Variants in NELL1 observed in about 807,000 individuals in gnomAD.
NELL1 encodes neural EGFL like 1.
In NELL1, 76 loss-of-function variants were observed where a neutral mutation model predicts 107.4. The ratio of observed to expected loss-of-function variants is 0.71; its 90% confidence interval spans 0.59 to 0.86. NELL1 has a LOEUF of 0.86. Ranked by LOEUF, NELL1 falls within the 40% of genes least tolerant of loss-of-function variation. The pLI, the probability that NELL1 is intolerant of heterozygous loss-of-function variation, is 0.00. For missense variants in NELL1, 1,024 were observed against 1,005.5 expected (o/e 1.02, Z -0.25); for synonymous variants, 353 against 341.2 (o/e 1.03, Z -0.38).
At chr11:20,854,455 C>T (rs1335543724) in intron 4 of NELL1, among the ~76,000 whole-genome samples, 3 of 152,136 alleles carry the variant, frequency 2.0e-5, no homozygotes, top group African/African-American at 7.2e-5. Flanking sequence ...TTCAAAGTGC[C>T]ACTTCTGTAG....
chr11:21,495,396 A>T (rs74649824), intron 15 of NELL1, among the ~76,000 whole-genome samples: 2,312 of 152,204 alleles, frequency 0.015, 58 homozygotes, highest in African/African-American at 0.052. Flanking sequence ...ATTTGTTTAA[A>T]CAGTCATCAG....
At chr11:21,369,061 A>G (rs1346392284) in intron 14 of NELL1, among the ~76,000 whole-genome samples, 2 of 152,080 alleles carry the variant, frequency 1.3e-5, no homozygotes, top group African/African-American at 2.4e-5. Context: ...ATGAAACAGC[A>G]TCAAGTCTCC....
chr11:21,575,254 G>A lies in NELL1; in HGVS notation c.*232G>A. On this transcript the variant is annotated 3_prime_UTR_variant, in exon 20 of 20. Coordinates refer to ENST00000357134, the MANE Select transcript of NELL1 (RefSeq NM_006157.5). ...TACAGTGCCGTGCATTTAAGTCAAT[G>A]GTTGTTAAAAGAAGTTTCCCGTGTT... 1 of 470,010 alleles carries A rather than the reference G, an allele frequency of 2.1e-6. No individual in the cohort carries two copies. The highest frequency in any genetic ancestry group is 3.5e-5 in the South Asian group (1 of 28,756). The allele number at this position is 470,010 out of a possible 1,614,324, so 29.1% of individuals were successfully genotyped here.
At chr11:21,570,639 T>A in intron 17 of NELL1, 125 bp from the exon 18 acceptor site, 1 of 727,414 alleles carries the variant, frequency 1.4e-6, no homozygotes, top group Non-Finnish European at 2.2e-6. Flanking sequence ...ACATGTGTGC[T>A]TCAGTTTTGA....
intron 2 of NELL1, among the ~76,000 whole-genome samples, chr11:20,769,769 C>A (rs918329525): frequency 6.6e-6 from 1 of 152,078 alleles, no homozygotes; most frequent in Non-Finnish European, 1.5e-5. Context: ...ACGGAGCCCC[C>A]CACTTGTGCC....
At chr11:21,117,719 C>G (rs1181451460) in intron 13 of NELL1, among the ~76,000 whole-genome samples, 1 of 151,858 alleles carries the variant, frequency 6.6e-6, no homozygotes, top group Admixed American at 6.6e-5. Flanking sequence ...TTCTGCATAC[C>G]ATATTCACTT....
At chr11:20,865,158 A>G (rs1052938454) in intron 4 of NELL1, among the ~76,000 whole-genome samples, 1 of 152,208 alleles carries the variant, frequency 6.6e-6, no homozygotes, top group Non-Finnish European at 1.5e-5. Context: ...CTTCACTTGT[A>G]GGAGCTCTGA....
intron 14 of NELL1, among the ~76,000 whole-genome samples, chr11:21,312,688 A>G (rs1849775308): frequency 6.6e-6 from 1 of 152,148 alleles, no homozygotes; most frequent in Non-Finnish European, 1.5e-5. Context: ...GCACAAGTAC[A>G]TGTTCTTGCC....
At chr11:21,097,124 T>A (rs542467844) in intron 12 of NELL1, among the ~76,000 whole-genome samples, 1 of 150,932 alleles carries the variant, frequency 6.6e-6, no homozygotes, top group African/African-American at 2.4e-5. Flanking sequence ...TTGCACACTC[T>A]CACTCCACTC....
intron 2 of NELL1, among the ~76,000 whole-genome samples, chr11:20,695,482 T>C (rs999114158): frequency 6.6e-6 from 1 of 152,170 alleles, no homozygotes; most frequent in Non-Finnish European, 1.5e-5. Flanking sequence ...GTTTAGTTTC[T>C]TGAGGGTTTT....
Position 20,969,302 on chromosome 11 carries a change from T to A in NELL1, c.1300+8742T>A, listed in dbSNP as rs1003174394. On this transcript the variant is annotated intron_variant, in intron 12 of 19. Transcript: ENST00000357134. ...CTTTCTCTCCAAGCAAAATTCACAG[T>A]TTCCCCTGTGCTGCAGTTCTGAGTT... 6.2e-4 allele frequency among the ~76,000 whole-genome samples: 95 copies of A among 152,150 alleles called. 3 individuals carry two copies. The highest frequency in any genetic ancestry group is 1.2e-4 in the Non-Finnish European group (8 of 68,026).
At chr11:21,373,557 T>C (rs1851402714) in intron 15 of NELL1, among the ~76,000 whole-genome samples, 1 of 152,128 alleles carries the variant, frequency 6.6e-6, no homozygotes, top group Admixed American at 6.6e-5. Context: ...GTTTTATTCA[T>C]TGCTTGCAAT....
At chr11:21,217,505 C>T (rs1372746116) in intron 13 of NELL1, among the ~76,000 whole-genome samples, 1 of 151,796 alleles carries the variant, frequency 6.6e-6, no homozygotes, top group Non-Finnish European at 1.5e-5. Flanking sequence ...AACATTGTAG[C>T]AATTCTTTTG....
chr11:21,279,426 A>G (rs959540410), intron 14 of NELL1, among the ~76,000 whole-genome samples: 1 of 152,192 alleles, frequency 6.6e-6, no homozygotes, highest in Non-Finnish European at 1.5e-5. Context: ...ACAAAAAGCA[A>G]ATGAACAACC....
chr11:20,766,612 T>A (rs1856533048), intron 2 of NELL1, among the ~76,000 whole-genome samples: 1 of 152,202 alleles, frequency 6.6e-6, no homozygotes, highest in African/African-American at 2.4e-5. Context: ...CTGCTTTGAA[T>A]CTCTCTTTTG....
chr11:20,854,365 C>T (rs549761207), intron 4 of NELL1, among the ~76,000 whole-genome samples: 1 of 152,272 alleles, frequency 6.6e-6, no homozygotes, highest in East Asian at 1.9e-4. Flanking sequence ...CCTCCTGATT[C>T]TATCTCATCA....
intron 15 of NELL1, among the ~76,000 whole-genome samples, chr11:21,474,997 G>C (rs569960837): frequency 1.6e-4 from 24 of 152,242 alleles, no homozygotes; most frequent in African/African-American, 5.5e-4. Flanking sequence ...GAGAGACCCA[G>C]AGTGGAAAGG....
chr11:20,877,515 G>A (rs574532562), intron 4 of NELL1, among the ~76,000 whole-genome samples: 31 of 152,270 alleles, frequency 2.0e-4, no homozygotes, highest in African/African-American at 7.5e-4. Context: ...AGCTCTGAGG[G>A]TTTTATCTAT....
chr11:21,094,310 G>A (rs1854590001), intron 12 of NELL1, among the ~76,000 whole-genome samples: 1 of 152,210 alleles, frequency 6.6e-6, no homozygotes, highest in Admixed American at 6.5e-5. Flanking sequence ...CTGACCCTGT[G>A]GCTTTGCAGG....
Sources: allele counts gnomAD v4.1 joint callset (sites outside exome capture counted in the v4.1 genomes callset), GRCh38; gene constraint gnomAD v4.1.1; transcripts MANE v1.5; gene names NCBI Gene and HGNC (gene_info 2026-07-23, HGNC 2026-07-21).